Variants in CLEC4F observed in about 807,000 individuals in gnomAD.
CLEC4F encodes the protein C-type lectin domain family 4 member F.
CLEC4F carries 45 observed loss-of-function variants against 53.4 expected under a neutral mutation model. That is an observed-to-expected ratio of 0.84 (90% CI 0.66 to 1.08). The LOEUF (loss-of-function observed/expected upper bound fraction) is 1.08. CLEC4F is among the 50% of genes least tolerant of loss of function. CLEC4F has a pLI of 0.00. For missense variants in CLEC4F, 753 were observed against 698.2 expected (o/e 1.08, Z -0.88); for synonymous variants, 245 against 257.5 (o/e 0.95, Z 0.46).
intron 4 of CLEC4F, among the ~76,000 whole-genome samples, chr2:70,814,231 T>C (rs1676773850): frequency 6.6e-6 from 1 of 152,002 alleles, no homozygotes; most frequent in Non-Finnish European, 1.5e-5. Flanking sequence ...CTATGAGCAA[T>C]GGGAAGCACT....
intron 5 of CLEC4F, chr2:70,811,357 G>A: frequency 2.2e-6 from 2 of 898,092 alleles, no homozygotes; most frequent in East Asian, 3.3e-5. Flanking sequence ...ATAGACTGTT[G>A]AGCAGCTAGT....
intron 4 of CLEC4F, among the ~76,000 whole-genome samples, chr2:70,815,501 C>T (rs1052529982): frequency 2.0e-5 from 3 of 152,200 alleles, no homozygotes; most frequent in Non-Finnish European, 2.9e-5. Context: ...CCTTTTTACC[C>T]AGCACACCAC....
chr2:70,814,922 C>A (rs1029916347), intron 4 of CLEC4F, among the ~76,000 whole-genome samples: 1 of 151,974 alleles, frequency 6.6e-6, no homozygotes, highest in African/African-American at 2.4e-5. Flanking sequence ...CCAGTGTGCC[C>A]CCAAAGTGGA....
At chr2:70,811,835 G>A (rs1463253702) in intron 5 of CLEC4F, among the ~76,000 whole-genome samples, 2 of 152,104 alleles carry the variant, frequency 1.3e-5, no homozygotes, top group African/African-American at 4.8e-5. Flanking sequence ...ACTTTGGGAG[G>A]CCCACTTCGG....
At position 70,810,982 on chromosome 2, in the gene CLEC4F, C is replaced by T. The variant is rs1332299718; in HGVS notation, c.1540-1125G>A. On this transcript the variant is annotated intron_variant, in intron 5 of 6. Transcript: ENST00000272367. The stretch of plus-strand genomic sequence containing the variant: ...ATGAAAATAAACATGTGAAAATATT[C>T]TGTAAATTCTACGGCATACTGATTT... The T allele has an allele frequency of 2.1e-5, 12 of 576,392 alleles. No homozygotes were observed. The East Asian group carries it at 5.3e-4, about 25-fold the overall frequency. The allele number at this position is 576,392 out of a possible 1,614,324, so 35.7% of individuals were successfully genotyped here.
At chr2:70,823,949 G>GA (rs1677286798), upstream of CLEC4F, among the ~76,000 whole-genome samples, 1 of 148,258 alleles carries the variant, frequency 6.7e-6, no homozygotes, top group African/African-American at 2.5e-5. Flanking sequence ...AGAATCATTT[G>GA]AACCTGGGAG....
upstream of CLEC4F, among the ~76,000 whole-genome samples, chr2:70,824,724 A>G (rs67326253): frequency 0.6 from 90,143 of 149,988 alleles, 27,547 homozygotes; most frequent in Middle Eastern, 0.7. Flanking sequence ...ATTTGAGCAA[A>G]AACAAAACAA....
chr2:70,819,412 C>T lies in CLEC4F; in HGVS notation c.211G>A (p.Val71Met), dbSNP rs1553397258. 3 of 1,614,164 alleles carry T rather than the reference C, an allele frequency of 1.9e-6. No individual in the cohort carries two copies. Among genetic ancestry groups the T allele is most frequent in the Non-Finnish European group, 2.5e-6 (3 of 1,180,028 alleles). Reference sequence around the variant, plus strand: ...TTGTCTCCCAGAATTACGGCTTGCACAGGCTTCGGAACAGGTCTTGTCTGC... The same window carrying T: ...TTGTCTCCCAGAATTACGGCTTGCATAGGCTTCGGAACAGGTCTTGTCTGC... Reference protein sequence around the residue: ...QQQTRPVPKPVQAVILGDNIT... With the variant: ...QQQTRPVPKPMQAVILGDNIT... Residue 71 changes from valine to methionine, a missense_variant, in exon 3 of 7, where the codon GTG becomes ATG. Val to Met is a conservative substitution (Grantham distance 21). Transcript: ENST00000272367.
At position 70,820,451 on chromosome 2, in the gene CLEC4F, CA is replaced by C. The variant is rs1553397696; in HGVS notation, c.61+11del. 3.8e-6 allele frequency: 6 copies of C among 1,576,722 alleles called. No individual in the cohort carries two copies. In the Admixed American group the frequency reaches 1.1e-4, roughly 28 times the overall value. On this transcript the variant is annotated intron_variant, in intron 1 of 6. Coordinates refer to ENST00000272367, the MANE Select transcript of CLEC4F (RefSeq NM_173535.3). ...CCTCACTGGGCAAGAGCTGGGGCCC[CA>C]GTTTTCTCACCTTGGGGGTGCAGGG...
In CLEC4F at chr2:70,810,774, G is replaced by C. The variant is rs1676514279; in HGVS notation, c.1540-917C>G. The stretch of plus-strand genomic sequence containing the variant: ...GTAATTAATGTTAATTATGTGATCA[G>C]TACATTTTCCCATTTGATTCCCTTC... On this transcript the variant is annotated intron_variant, in intron 5 of 6. Coordinates refer to ENST00000272367, the MANE Select transcript of CLEC4F (RefSeq NM_173535.3). 3 of 490,004 alleles carry C rather than the reference G, an allele frequency of 6.1e-6. No individual in the cohort carries two copies. The Admixed American group carries it at 7.6e-5, about 12-fold the overall frequency. The allele number at this position is 490,004 out of a possible 1,614,324, so 30.4% of individuals were successfully genotyped here.
At position 70,810,867 on chromosome 2, in the gene CLEC4F, CT is replaced by C. The variant is rs544989975; in HGVS notation, c.1540-1011del. The C allele has an allele frequency of 2.0e-4, 111 of 553,674 alleles. No homozygotes were observed. In the African/African-American group the frequency reaches 2.1e-3, roughly 11 times the overall value. The allele number at this position is 553,674 out of a possible 1,614,324, so 34.3% of individuals were successfully genotyped here. ...CTAAAATTGGTACAATCAGGTTATCCTTGGACATCAAATTATATTTCATCAC... is the reference window on the plus strand; with the variant it reads ...CTAAAATTGGTACAATCAGGTTATCCTGGACATCAAATTATATTTCATCAC... On this transcript the variant is annotated intron_variant, in intron 5 of 6. Coordinates refer to ENST00000272367, the MANE Select transcript of CLEC4F (RefSeq NM_173535.3).
chr2:70,812,314 A>G, intron 5 of CLEC4F, 133 bp downstream of exon 5: 4 of 916,774 alleles, frequency 4.4e-6, no homozygotes, highest in Admixed American at 5.5e-5. Context: ...AACTCACTCA[A>G]TATTTGCTCC....
Position 70,819,911 on chromosome 2 carries a change from G to A in CLEC4F, c.62-20C>T, listed in dbSNP as rs1553397550. On this transcript the variant is annotated intron_variant, in intron 1 of 6. Coordinates refer to ENST00000272367, the MANE Select transcript of CLEC4F (RefSeq NM_173535.3). ...CCACCTCTGCAGGGGAGAAGGCAGT[G>A]TCCAAGGTGAGAGGGTGCTGTGCAA... The A allele has an allele frequency of 6.6e-7, 1 of 1,518,484 alleles. No individual in the cohort carries two copies. The highest frequency in any genetic ancestry group is 2.0e-5 in the Admixed American group (1 of 50,196). 94.1% of individuals were successfully genotyped at this position (1,518,484 alleles called of 1,614,324 possible). A position where few individuals can be genotyped will look rare whatever the true frequency, so the allele number is the denominator to read the frequency against.
chr2:70,819,820 T>C lies in CLEC4F; in HGVS notation c.133A>G (p.Met45Val). Residue 45 changes from methionine (M) to valine (V), a missense_variant, in exon 2 of 7, where the codon ATG becomes GTG. Physicochemically the swap from Met to Val is conservative, Grantham distance 21 (BLOSUM62 1). Transcript: ENST00000272367. ...PRLVQATPAF[M>V]AVTLVFSLVT... ...AGAGAGAAGACCAAGGTCACAGCCA[T>C]AAATGCCGGGGTAGCCTGAACGAGC... The C allele has an allele frequency of 6.2e-7, 1 of 1,608,804 alleles. No homozygotes were observed. The highest frequency in any genetic ancestry group is 8.5e-7 in the Non-Finnish European group (1 of 1,177,676).
chr2:70,809,685 C>G, intron 6 of CLEC4F, 54 bp downstream of exon 6: 2 of 1,315,108 alleles, frequency 1.5e-6, no homozygotes, highest in African/African-American at 2.9e-5. Flanking sequence ...CAGTGTGTAG[C>G]TAGGTCCACC....
upstream of CLEC4F, among the ~76,000 whole-genome samples, chr2:70,823,028 C>T (rs1271765287): frequency 1.3e-5 from 2 of 152,208 alleles, no homozygotes; most frequent in Non-Finnish European, 2.9e-5. Flanking sequence ...CTGATGTCAA[C>T]CCGGCAAGCA....
chr2:70,819,765 G>A lies in CLEC4F; in HGVS notation c.178+10C>T, dbSNP rs951595028. On this transcript the variant is annotated intron_variant, in intron 2 of 6. Coordinates refer to ENST00000272367, the MANE Select transcript of CLEC4F (RefSeq NM_173535.3). The stretch of plus-strand genomic sequence containing the variant: ...AAAGTTAGTGAGATTTGGGTCACCT[G>A]GGGGCTTACCCACTACAAAGAGAGT... 3.2e-6 allele frequency: 5 copies of A among 1,556,758 alleles called. No individual in the cohort carries two copies. The highest frequency in any genetic ancestry group is 4.4e-6 in the Non-Finnish European group (5 of 1,147,676).
At chr2:70,814,786 A>G (rs1676803487) in intron 4 of CLEC4F, among the ~76,000 whole-genome samples, 1 of 151,494 alleles carries the variant, frequency 6.6e-6, no homozygotes. Context: ...CCCAGATGCC[A>G]GTAGATCCAC....
At chr2:70,821,448 G>T (rs1322188224), upstream of CLEC4F, among the ~76,000 whole-genome samples, 1 of 151,590 alleles carries the variant, frequency 6.6e-6, no homozygotes, top group Non-Finnish European at 1.5e-5. Context: ...TCCAGGTATG[G>T]GAGATGGCCT....
Sources: allele counts gnomAD v4.1 joint callset (sites outside exome capture counted in the v4.1 genomes callset), GRCh38; gene constraint gnomAD v4.1.1; transcripts MANE v1.5; gene names NCBI Gene and HGNC (gene_info 2026-07-23, HGNC 2026-07-21).